LRBA: variants seen among roughly 807,000 people sequenced by gnomAD.
The protein encoded by LRBA is LPS responsive beige-like anchor protein.
A neutral mutation model predicts 330.0 loss-of-function variants in LRBA; 176 were observed. The observed-to-expected ratio is 0.53, with a 90% CI of 0.47 to 0.60. The LOEUF is 0.60. LRBA is among the 20% of genes least tolerant of loss of function. The probability of loss-of-function intolerance (pLI) is 0.00; values close to 1 mark genes in which losing one functional copy is unlikely to be tolerated. For missense variants in LRBA, 3,259 were observed against 3,444.8 expected, an observed-to-expected ratio of 0.95 and a Z score of 1.35; for synonymous variants, 1,230 against 1,193.0, an observed-to-expected ratio of 1.03 and a Z score of -0.64.
chr4:150,793,253 T>A (rs149936630), intron 34 of LRBA, among the ~76,000 whole-genome samples: 7 of 151,304 alleles, frequency 4.6e-5, no homozygotes, highest in African/African-American at 1.7e-4. Context: ...CAGTGGACCA[T>A]GATTGCACCA....
At chr4:150,281,064 C>G (rs1747442479) in intron 55 of LRBA, among the ~76,000 whole-genome samples, 1 of 152,204 alleles carries the variant, frequency 6.6e-6, no homozygotes, top group African/African-American at 2.4e-5. Flanking sequence ...ACTGCTGCCT[C>G]AAGGAACTTC....
At chr4:150,409,289 C>A (rs964287123) in intron 47 of LRBA, among the ~76,000 whole-genome samples, 1 of 152,060 alleles carries the variant, frequency 6.6e-6, no homozygotes, top group Admixed American at 6.6e-5. Flanking sequence ...GATTTCAGAC[C>A]TCTGGACTCC....
At chr4:150,789,925 G>C (rs183955511) in intron 34 of LRBA, among the ~76,000 whole-genome samples, 46 of 152,222 alleles carry the variant, frequency 3.0e-4, no homozygotes, top group South Asian at 2.5e-3. Context: ...GTTATGCTCA[G>C]AATATTCCCA....
At chr4:150,632,890 T>G (rs980187394) in intron 37 of LRBA, among the ~76,000 whole-genome samples, 1 of 152,234 alleles carries the variant, frequency 6.6e-6, no homozygotes, top group Non-Finnish European at 1.5e-5. Context: ...CTCTGTAGTT[T>G]TTATACCTAA....
intron 37 of LRBA, among the ~76,000 whole-genome samples, chr4:150,653,179 C>CA (rs552304015): frequency 6.6e-6 from 1 of 151,934 alleles, no homozygotes; most frequent in Non-Finnish European, 1.5e-5. Flanking sequence ...CCTGTCTCTA[C>CA]AAAAAATAAA....
At chr4:150,896,159 T>G (rs1455505116) in intron 16 of LRBA, among the ~76,000 whole-genome samples, 1 of 152,178 alleles carries the variant, frequency 6.6e-6, no homozygotes, top group Non-Finnish European at 1.5e-5. Flanking sequence ...TATTATTAAT[T>G]CAATGAAATC....
chr4:150,625,937 T>C (rs1486815998), intron 37 of LRBA, among the ~76,000 whole-genome samples: 2 of 151,840 alleles, frequency 1.3e-5, no homozygotes, highest in Admixed American at 1.3e-4. Flanking sequence ...CTTGAACTCC[T>C]GACCTCAGCC....
At chr4:150,905,438 T>C (rs952687226) in intron 13 of LRBA, among the ~76,000 whole-genome samples, 1 of 151,740 alleles carries the variant, frequency 6.6e-6, no homozygotes, top group African/African-American at 2.4e-5. Flanking sequence ...ATATTTACAA[T>C]GGAACAAAGC....
At chr4:150,703,854 CA>C (rs571572640) in intron 36 of LRBA, among the ~76,000 whole-genome samples, 403 of 136,314 alleles carry the variant, frequency 3.0e-3, no homozygotes, top group South Asian at 5.4e-3. Context: ...TCCATTAGCC[CA>C]AAAAAAAAAA....
intron 53 of LRBA, among the ~76,000 whole-genome samples, chr4:150,291,999 C>A (rs1373895795): frequency 6.6e-6 from 1 of 152,202 alleles, no homozygotes; most frequent in Non-Finnish European, 1.5e-5. Flanking sequence ...CGCATATTCT[C>A]ACTCATAGGT....
chr4:150,742,935 C>G (rs1188011747), intron 35 of LRBA, among the ~76,000 whole-genome samples: 2 of 152,044 alleles, frequency 1.3e-5, no homozygotes, highest in African/African-American at 4.8e-5. Context: ...AAAGAGCAAA[C>G]ATAAACTTGG....
intron 36 of LRBA, among the ~76,000 whole-genome samples, chr4:150,704,972 C>T (rs1215821822): frequency 6.6e-6 from 1 of 151,920 alleles, no homozygotes; most frequent in African/African-American, 2.4e-5. Context: ...CTTGTTGTAC[C>T]GAGTAATGTA....
At chr4:151,008,610 A>C (rs1396535183) in intron 2 of LRBA, among the ~76,000 whole-genome samples, 1 of 152,012 alleles carries the variant, frequency 6.6e-6, no homozygotes, top group African/African-American at 2.4e-5. Context: ...AAATCACCAT[A>C]TAAATGGACC....
chr4:150,308,132 C>T lies in LRBA; in HGVS notation c.7849+2097G>A, dbSNP rs1730592350. On this transcript the variant is annotated intron_variant, in intron 52 of 56. Coordinates refer to ENST00000651943, the MANE Select transcript of LRBA (RefSeq NM_001364905.1). ...AGAAATTTTAATTTAAAAGATTTTT[C>T]AATTCCTACAACATTAAATAAAGAT... is the stretch of plus-strand genomic sequence containing the variant. Among the ~76,000 whole-genome samples, 4 of 152,240 alleles carry T rather than the reference C, an allele frequency of 2.6e-5. No individual in the cohort carries two copies. In the South Asian group the frequency reaches 8.3e-4, roughly 32 times the overall value.
intron 2 of LRBA, chr4:150,970,530 TGTGTGTGTGTGTGTGTGTGTGTGTGTAC>T (rs1443594100): frequency 2.6e-5 from 1 of 38,994 alleles, no homozygotes; most frequent in Non-Finnish European, 7.3e-5. Context: ...TACTTGTGTG[TGTGTGTGTGTGTGTGTGTGTGTGTGTAC>T]ACACACACAC....
At chr4:150,339,050 C>G (rs758775819) in intron 48 of LRBA, among the ~76,000 whole-genome samples, 2 of 151,880 alleles carry the variant, frequency 1.3e-5, no homozygotes, top group African/African-American at 2.4e-5. Flanking sequence ...AGCCTTCTTG[C>G]TTTTAGATAA....
chr4:150,386,685 G>A (rs1054644245), intron 47 of LRBA, among the ~76,000 whole-genome samples: 4 of 152,124 alleles, frequency 2.6e-5, no homozygotes, highest in Non-Finnish European at 4.4e-5. Context: ...CATTTAGGTT[G>A]ATTCCATGCC....
At chr4:150,516,074 T>C (rs1762301988) in intron 40 of LRBA, among the ~76,000 whole-genome samples, 1 of 151,988 alleles carries the variant, frequency 6.6e-6, no homozygotes, top group African/African-American at 2.4e-5. Flanking sequence ...TTACAAACTA[T>C]ATACCAGAAA....
intron 47 of LRBA, among the ~76,000 whole-genome samples, chr4:150,395,684 A>G (rs964639319): frequency 6.6e-6 from 1 of 152,266 alleles, no homozygotes; most frequent in East Asian, 1.9e-4. Context: ...TGTGACCTCA[A>G]CTTAACCTCC....
Sources: allele counts gnomAD v4.1 joint callset (sites outside exome capture counted in the v4.1 genomes callset), GRCh38; gene constraint gnomAD v4.1.1; transcripts MANE v1.5; gene names NCBI Gene and HGNC (gene_info 2026-07-23, HGNC 2026-07-21).